PLPPR5: variants seen among roughly 807,000 people sequenced by gnomAD.
PLPPR5 encodes the protein phospholipid phosphatase related 5, also known as phospholipid phosphatase-related protein type 5.
PLPPR5 carries 16 observed loss-of-function variants against 33.9 expected under a neutral mutation model. That is an observed-to-expected ratio of 0.47 (90% CI 0.32 to 0.72). The LOEUF (loss-of-function observed/expected upper bound fraction) is 0.72. Among genes scored for constraint, PLPPR5 ranks in the 30% least tolerant of loss-of-function variants. PLPPR5 has a pLI of 0.03. For synonymous variants in PLPPR5, 163 were observed against 150.3 expected (o/e 1.08, Z -0.62); for missense variants, 301 against 406.7 (o/e 0.74, Z 2.23).
intron 5 of PLPPR5, among the ~76,000 whole-genome samples, chr1:98,894,394 A>AT (rs562639442): frequency 8.4e-4 from 128 of 152,088 alleles, no homozygotes; most frequent in Non-Finnish European, 1.4e-3. Flanking sequence ...AATTAAAACA[A>AT]TAAGAACTGT....
rs1480486829 is a variant in PLPPR5 at position 98,890,610 on chromosome 1, T to C, written c.*2462A>G. Reference sequence around the variant, plus strand: ...AAAGGAGATGTTTTTATCAGAAAGATATGTGTTTGCCTGCTTTTACTAGAC... The same window carrying C: ...AAAGGAGATGTTTTTATCAGAAAGACATGTGTTTGCCTGCTTTTACTAGAC... On this transcript the variant is annotated 3_prime_UTR_variant, in exon 6 of 6. Transcript: ENST00000263177. 1 of 152,620 alleles carries C rather than the reference T, an allele frequency of 6.6e-6. No homozygotes were observed. The highest frequency in any genetic ancestry group is 2.4e-5 in the African/African-American group (1 of 41,456). The allele number at this position is 152,620 out of a possible 1,614,324, so 9.5% of individuals were successfully genotyped here.
intron 1 of PLPPR5, among the ~76,000 whole-genome samples, chr1:99,000,012 G>C (rs1470595419): frequency 6.6e-6 from 1 of 152,088 alleles, no homozygotes; most frequent in African/African-American, 2.4e-5. Flanking sequence ...AGAGATCTAA[G>C]GAACAATAGC....
intron 3 of PLPPR5, among the ~76,000 whole-genome samples, chr1:98,940,015 AG>A (rs1384142601): frequency 2.0e-5 from 3 of 151,906 alleles, no homozygotes; most frequent in East Asian, 3.8e-4. Context: ...TAGCAGAAAT[AG>A]TCTAGTGTAA....
rs552029825 is a variant in PLPPR5 at position 98,948,979 on chromosome 1, T to C, written c.621+4091A>G. Among the ~76,000 whole-genome samples the C allele has an allele frequency of 8.5e-5, 13 of 152,324 alleles. No individual in the cohort carries two copies. The East Asian group carries it at 2.3e-3, about 27-fold the overall frequency. Reference sequence around the variant, plus strand: ...CATTTTCAAAAATCTAAGGTCAGAATTGGAAGTGACCCGAGGAGGTCATTT... The same window carrying C: ...CATTTTCAAAAATCTAAGGTCAGAACTGGAAGTGACCCGAGGAGGTCATTT... On this transcript the variant is annotated intron_variant, in intron 3 of 5. Transcript: ENST00000263177.
chr1:98,921,767 G>T, intron 4 of PLPPR5, 115 bp downstream of exon 4: 1 of 779,470 alleles, frequency 1.3e-6, no homozygotes, highest in Non-Finnish European at 2.0e-6. Context: ...TTAAATGAAT[G>T]ATTTGTTTGA....
At chr1:98,911,320 C>T (rs533979437) in intron 5 of PLPPR5, among the ~76,000 whole-genome samples, 19 of 152,110 alleles carry the variant, frequency 1.2e-4, no homozygotes, top group East Asian at 1.2e-3. Flanking sequence ...TCCTAGCTAC[C>T]GGAGTGAAAA....
intron 1 of PLPPR5, among the ~76,000 whole-genome samples, chr1:98,996,301 T>C (rs1390668153): frequency 2.0e-5 from 3 of 152,056 alleles, no homozygotes; most frequent in African/African-American, 7.2e-5. Context: ...TACATACACA[T>C]GCTTAACTCT....
Position 98,989,027 on chromosome 1 carries a change from C to T in PLPPR5, c.237+15408G>A, listed in dbSNP as rs551514350. ...ACTTCTAGATCTGCTTGTTCTCACT[C>T]CTCTTTAATTTAACAGAGTCATGGG... On this transcript the variant is annotated intron_variant, in intron 1 of 5. Coordinates refer to ENST00000263177, the MANE Select transcript of PLPPR5 (RefSeq NM_001037317.2). Among the ~76,000 whole-genome samples the T allele has an allele frequency of 2.0e-5, 3 of 152,182 alleles. No individual in the cohort carries two copies. The East Asian group carries it at 5.8e-4, about 29-fold the overall frequency.
At chr1:98,920,456 C>G (rs1243379543) in intron 4 of PLPPR5, among the ~76,000 whole-genome samples, 4 of 94,106 alleles carry the variant, frequency 4.3e-5, no homozygotes, top group South Asian at 3.6e-4. Flanking sequence ...TGAGTCAATG[C>G]AAAAAAAAAA....
intron 3 of PLPPR5, among the ~76,000 whole-genome samples, chr1:98,924,261 C>G (rs1649671864): frequency 6.6e-6 from 1 of 152,128 alleles, no homozygotes; most frequent in African/African-American, 2.4e-5. Flanking sequence ...AGGTTAAAAA[C>G]TGAATCAAGA....
intron 3 of PLPPR5, among the ~76,000 whole-genome samples, chr1:98,935,674 C>T (rs1288081465): frequency 6.6e-6 from 1 of 152,108 alleles, no homozygotes; most frequent in African/African-American, 2.4e-5. Context: ...AATATGAGAA[C>T]ACAAGGGCCA....
At chr1:98,920,150 A>C (rs177914) in intron 4 of PLPPR5, among the ~76,000 whole-genome samples, 3 of 152,118 alleles carry the variant, frequency 2.0e-5, no homozygotes, top group Admixed American at 2.0e-4. Context: ...CTCAACATTC[A>C]CCAGACAGGG....
chr1:98,943,559 T>C (rs1362907356), intron 3 of PLPPR5, among the ~76,000 whole-genome samples: 2 of 152,214 alleles, frequency 1.3e-5, no homozygotes, highest in Admixed American at 1.3e-4. Context: ...TCTGAGCATA[T>C]GCAGGGGTCA....
chr1:98,988,464 T>C (rs557016321), intron 1 of PLPPR5, among the ~76,000 whole-genome samples: 33 of 152,244 alleles, frequency 2.2e-4, no homozygotes, highest in South Asian at 1.9e-3. Context: ...AGATTTATTA[T>C]CAACTTGTAG....
chr1:98,988,409 T>C (rs1353408104), intron 1 of PLPPR5, among the ~76,000 whole-genome samples: 1 of 152,044 alleles, frequency 6.6e-6, no homozygotes, highest in African/African-American at 2.4e-5. Context: ...GAAGAAAAAA[T>C]ATACTATACC....
intron 1 of PLPPR5, among the ~76,000 whole-genome samples, chr1:98,996,147 T>C (rs926118676): frequency 6.6e-6 from 1 of 151,958 alleles, no homozygotes; most frequent in Non-Finnish European, 1.5e-5. Context: ...GAAGAATATA[T>C]CAGAATATTC....
chr1:98,967,574 A>G (rs1339020726), intron 1 of PLPPR5, among the ~76,000 whole-genome samples: 1 of 152,112 alleles, frequency 6.6e-6, no homozygotes, highest in Non-Finnish European at 1.5e-5. Context: ...AAGTTATCCA[A>G]TCTTTTTCAG....
At chr1:98,918,269 G>A (rs1367891085) in intron 4 of PLPPR5, among the ~76,000 whole-genome samples, 1 of 152,060 alleles carries the variant, frequency 6.6e-6, no homozygotes, top group Non-Finnish European at 1.5e-5. Context: ...ATATAATCAG[G>A]CTTCAATTTT....
At chr1:98,939,797 T>C (rs1371770122) in intron 3 of PLPPR5, among the ~76,000 whole-genome samples, 1 of 151,942 alleles carries the variant, frequency 6.6e-6, no homozygotes, top group African/African-American at 2.4e-5. Context: ...GTCTTGGCTG[T>C]GGTTCTGGCT....
Sources: allele counts gnomAD v4.1 joint callset (sites outside exome capture counted in the v4.1 genomes callset), GRCh38; gene constraint gnomAD v4.1.1; transcripts MANE v1.5; gene names NCBI Gene and HGNC (gene_info 2026-07-23, HGNC 2026-07-21).